Variants in SLC39A11 observed in about 807,000 individuals in gnomAD.
The protein encoded by SLC39A11 is solute carrier family 39 member 11.
A neutral mutation model predicts 36.1 loss-of-function variants in SLC39A11; 33 were observed. The ratio of observed to expected loss-of-function variants is 0.91; its 90% CI spans 0.69 to 1.22. The LOEUF (loss-of-function observed/expected upper bound fraction) is 1.22. Ranked by LOEUF, SLC39A11 falls within the 50% of genes most tolerant of loss-of-function variation. The pLI is 0.00. For synonymous variants in SLC39A11, 166 were observed against 170.3 expected (o/e 0.97, Z 0.20); for missense variants, 432 against 430.3 (o/e 1.00, Z -0.03).
chr17:72,675,650 G>A (rs1442202753), intron 7 of SLC39A11, among the ~76,000 whole-genome samples: 1 of 152,054 alleles, frequency 6.6e-6, no homozygotes, highest in Non-Finnish European at 1.5e-5. Context: ...GTTGCTCTGT[G>A]AGTGCTGCCA....
In SLC39A11 at chr17:72,781,447, G is replaced by A. The variant is rs141407759; in HGVS notation, c.602-44728C>T. 9.0e-3 allele frequency among the ~76,000 whole-genome samples: 1,348 copies of A among 149,096 alleles called. 19 individuals carry two copies. Among genetic ancestry groups the A allele is most frequent in the African/African-American group, 0.032 (1,274 of 40,412 alleles). On this transcript the variant is annotated intron_variant, in intron 6 of 9. Coordinates refer to ENST00000255559, the MANE Select transcript of SLC39A11 (RefSeq NM_139177.4). ...TTTTCTTTTTTCTTTTTTTTGAGAC[G>A]GAGTCTCGCTCTATCGCCCAGGCTG...
At chr17:72,843,672 C>A (rs552856402) in intron 6 of SLC39A11, among the ~76,000 whole-genome samples, 2 of 152,296 alleles carry the variant, frequency 1.3e-5, no homozygotes, top group East Asian at 3.9e-4. Flanking sequence ...AAATAAATTT[C>A]TGTTGTTTCT....
chr17:72,888,302 A>G (rs1250697053), intron 5 of SLC39A11, among the ~76,000 whole-genome samples: 1 of 152,222 alleles, frequency 6.6e-6, no homozygotes, highest in Non-Finnish European at 1.5e-5. Flanking sequence ...ATCTTGCCAC[A>G]GTGCTAAGGA....
At chr17:73,037,569 C>T (rs2058963740) in intron 3 of SLC39A11, among the ~76,000 whole-genome samples, 1 of 152,232 alleles carries the variant, frequency 6.6e-6, no homozygotes, top group East Asian at 1.9e-4. Context: ...AACAAAAGTC[C>T]TTCTGCAGCT....
At chr17:73,048,787 T>C (rs188900957) in intron 3 of SLC39A11, among the ~76,000 whole-genome samples, 98 of 152,318 alleles carry the variant, frequency 6.4e-4, no homozygotes, top group African/African-American at 2.3e-3. Context: ...ATGTTTATTA[T>C]GTCTCTATTC....
intron 3 of SLC39A11, among the ~76,000 whole-genome samples, chr17:73,070,667 C>T (rs539212960): frequency 9.2e-5 from 14 of 152,126 alleles, no homozygotes; most frequent in Non-Finnish European, 1.9e-4. Context: ...TTCCACAATT[C>T]CCACATGTTG....
intron 4 of SLC39A11, among the ~76,000 whole-genome samples, chr17:73,017,397 C>T (rs1040281744): frequency 1.3e-5 from 2 of 152,074 alleles, no homozygotes; most frequent in African/African-American, 2.4e-5. Flanking sequence ...AGAAATGCAG[C>T]AGTATACAGA....
At position 72,821,339 on chromosome 17, in the gene SLC39A11, T is replaced by C. The variant is rs556033411; in HGVS notation, c.601+28295A>G. ...CCAACATGGTAAAACTCCGTCTCTATTAAAAATACAAAAAAAAATAGCTGG... is the reference window on the plus strand; with the variant it reads ...CCAACATGGTAAAACTCCGTCTCTACTAAAAATACAAAAAAAAATAGCTGG... On this transcript the variant is annotated intron_variant, in intron 6 of 9. Coordinates refer to ENST00000255559, the MANE Select transcript of SLC39A11 (RefSeq NM_139177.4). Among the ~76,000 whole-genome samples, 15 of 149,332 alleles carry C rather than the reference T, an allele frequency of 1.0e-4. 1 individual carries two copies. Among genetic ancestry groups the C allele is most frequent in the African/African-American group, 3.2e-4 (13 of 41,030 alleles).
chr17:72,656,266 A>G (rs1486280915), intron 7 of SLC39A11, among the ~76,000 whole-genome samples: 2 of 152,090 alleles, frequency 1.3e-5, no homozygotes, highest in Non-Finnish European at 1.5e-5. Flanking sequence ...CAAAGACACT[A>G]TTACTAGTCT....
intron 5 of SLC39A11, among the ~76,000 whole-genome samples, chr17:72,938,320 G>A (rs953428190): frequency 5.3e-5 from 8 of 152,110 alleles, no homozygotes; most frequent in Non-Finnish European, 1.2e-4. Context: ...AAAGGTTAGC[G>A]CTGTTCTGTA....
At chr17:72,927,979 G>A (rs2084153322) in intron 5 of SLC39A11, among the ~76,000 whole-genome samples, 1 of 152,006 alleles carries the variant, frequency 6.6e-6, no homozygotes. Context: ...GGTTAATAAA[G>A]GAAGAAACCA....
In SLC39A11 at chr17:72,648,770, A is replaced by G. The variant is rs760918064; in HGVS notation, c.929+33T>C. 96 of 1,613,340 alleles carry G rather than the reference A, an allele frequency of 6.0e-5. 4 individuals are homozygous for G. In the South Asian group the frequency reaches 9.9e-4, roughly 17 times the overall value. On this transcript the variant is annotated intron_variant, in intron 9 of 9. Transcript: ENST00000255559. The stretch of plus-strand genomic sequence containing the variant: ...GGCTGGGGTCCCAGCTGGGACTGGG[A>G]CAGGGACAGACAGGGAGGGAAGGTT...
chr17:72,922,982 A>AAAC, intron 5 of SLC39A11, among the ~76,000 whole-genome samples: 1 of 149,230 alleles, frequency 6.7e-6, no homozygotes, highest in Admixed American at 6.7e-5. Flanking sequence ...AAAAAAAAAA[A>AAAC]AAAAAAAACA....
chr17:72,784,623 G>T (rs2076439503), intron 6 of SLC39A11, among the ~76,000 whole-genome samples: 1 of 152,008 alleles, frequency 6.6e-6, no homozygotes, highest in South Asian at 2.1e-4. Flanking sequence ...ATCCCTAATG[G>T]GTTGGTGCTG....
intron 5 of SLC39A11, among the ~76,000 whole-genome samples, chr17:72,864,413 A>C (rs2080198121): frequency 6.6e-6 from 1 of 151,698 alleles, no homozygotes; most frequent in African/African-American, 2.4e-5. Flanking sequence ...CTTTACCTGC[A>C]GATCTGTCCT....
At position 72,928,209 on chromosome 17, in the gene SLC39A11, G is replaced by A. The variant is rs147073404; in HGVS notation, c.430+19543C>T. 8.3e-3 allele frequency among the ~76,000 whole-genome samples: 1,264 copies of A among 152,302 alleles called. 22 individuals are homozygous for A. Among genetic ancestry groups the A allele is most frequent in the African/African-American group, 0.029 (1,207 of 41,546 alleles). ...GTGTAATTGTTGGTTTTACATGTCT[G>A]TCTCTTCCTGGGCTTAGTGAAGGCA... On this transcript the variant is annotated intron_variant, in intron 5 of 9. Coordinates refer to ENST00000255559, the MANE Select transcript of SLC39A11 (RefSeq NM_139177.4).
intron 6 of SLC39A11, among the ~76,000 whole-genome samples, chr17:72,737,776 C>A (rs1328319123): frequency 6.6e-6 from 1 of 152,086 alleles, no homozygotes; most frequent in East Asian, 1.9e-4. Flanking sequence ...TCGGCCAGAA[C>A]AGGAGCAAAC....
chr17:72,953,644 C>T (rs1485795451), intron 4 of SLC39A11, among the ~76,000 whole-genome samples: 1 of 152,180 alleles, frequency 6.6e-6, no homozygotes, highest in Non-Finnish European at 1.5e-5. Context: ...TCTACAAGGG[C>T]GAACTAAGGC....
At chr17:72,922,376 T>G (rs1386161564) in intron 5 of SLC39A11, among the ~76,000 whole-genome samples, 1 of 152,206 alleles carries the variant, frequency 6.6e-6, no homozygotes, top group Non-Finnish European at 1.5e-5. Flanking sequence ...GTGCTCTGTG[T>G]TGAAAGGGGA....
Sources: gnomAD v4.1 joint callset for allele counts (sites outside exome capture counted in the v4.1 genomes callset) on GRCh38, gnomAD v4.1.1 for gene constraint, MANE v1.5 for transcripts, NCBI Gene and HGNC (gene_info 2026-07-23, HGNC 2026-07-21) for gene names.